Variants in LRRIQ1 observed in about 807,000 individuals in gnomAD.
LRRIQ1 encodes leucine rich repeats and IQ motif containing 1.
LRRIQ1 carries 210 observed loss-of-function variants against 211.9 expected under a neutral mutation model. The observed-to-expected ratio is 0.99, with a 90% CI of 0.89 to 1.11. The LOEUF (loss-of-function observed/expected upper bound fraction) is 1.11, where lower values mean the gene tolerates loss of function less well. LRRIQ1 is among the 50% of genes most tolerant of loss of function. The pLI is 0.00. For synonymous variants in LRRIQ1, 699 were observed against 650.1 expected, an observed-to-expected ratio of 1.08 and a Z score of -1.14; for missense variants, 2,136 against 1,939.5, an observed-to-expected ratio of 1.10 and a Z score of -1.90.
At chr12:85,271,301 A>C in the LRRIQ1 span, among the ~76,000 whole-genome samples, 4 of 152,114 alleles carry the variant, frequency 2.6e-5, no homozygotes, top group South Asian at 8.3e-4. Context: ...CAGCCACTTT[A>C]GTTATAGGGA....
chr12:85,253,538 A>G (rs1423526414), intron 1 of LRRIQ1, among the ~76,000 whole-genome samples: 1 of 152,092 alleles, frequency 6.6e-6, no homozygotes, highest in Non-Finnish European at 1.5e-5. Context: ...GCCAGCCAGA[A>G]CCACAACATT....
chr12:85,137,397 G>C (rs1592863450), intron 18 of LRRIQ1, among the ~76,000 whole-genome samples: 1 of 151,522 alleles, frequency 6.6e-6, no homozygotes, highest in African/African-American at 2.4e-5. Context: ...ATTTAAAAAT[G>C]AAATTAATTC....
At chr12:85,250,910 A>AATATATTTTATATATTATATATT (rs1202063203) in intron 1 of LRRIQ1, among the ~76,000 whole-genome samples, 5 of 78,256 alleles carry the variant, frequency 6.4e-5, no homozygotes, top group African/African-American at 2.8e-4. Flanking sequence ...TATTATATAT[A>AATATATTTTATATATTATATATT]ATATATTTTA....
intron 11 of LRRIQ1, among the ~76,000 whole-genome samples, chr12:85,094,475 T>G (rs1885686403): frequency 6.6e-6 from 1 of 152,146 alleles, no homozygotes; most frequent in South Asian, 2.1e-4. Context: ...CATTGGTCTA[T>G]TTGTTTTTGT....
intron 26 of LRRIQ1, among the ~76,000 whole-genome samples, chr12:85,243,139 T>C (rs1343568605): frequency 6.6e-6 from 1 of 150,792 alleles, no homozygotes; most frequent in Non-Finnish European, 1.5e-5. Flanking sequence ...TTTTTTCTTG[T>C]TACCTAAGTA....
At chr12:85,251,909 C>T in intron 1 of LRRIQ1, among the ~76,000 whole-genome samples, 1 of 151,738 alleles carries the variant, frequency 6.6e-6, no homozygotes, top group South Asian at 2.1e-4. Flanking sequence ...ACTATCGTTT[C>T]TGATATTTTT....
At chr12:85,217,370 A>T (rs1170286475) in intron 24 of LRRIQ1, among the ~76,000 whole-genome samples, 2 of 149,304 alleles carry the variant, frequency 1.3e-5, no homozygotes, top group Non-Finnish European at 3.0e-5. Context: ...AAAACCACCT[A>T]CTTGTCCCTC....
intron 1 of LRRIQ1, among the ~76,000 whole-genome samples, chr12:85,250,203 G>C (rs1895863434): frequency 6.6e-6 from 1 of 151,842 alleles, no homozygotes; most frequent in South Asian, 2.1e-4. Flanking sequence ...TTGCTCCGTA[G>C]TAAGAGGAAG....
intron 13 of LRRIQ1, among the ~76,000 whole-genome samples, 171 bp downstream of exon 13, chr12:85,099,165 A>G (rs1886149609): frequency 6.6e-6 from 1 of 151,870 alleles, no homozygotes. Flanking sequence ...AAAAATTAAG[A>G]TGAATTATTG....
intron 23 of LRRIQ1, 25 bp from the exon 24 acceptor site, chr12:85,160,588 C>T (rs1417866327): frequency 4.9e-6 from 7 of 1,415,262 alleles, no homozygotes; most frequent in Non-Finnish European, 5.0e-6. Flanking sequence ...ATGAACTCTG[C>T]TCCTTTCTTA....
chr12:85,202,459 G>A (rs746442933), intron 24 of LRRIQ1, among the ~76,000 whole-genome samples: 27 of 152,106 alleles, frequency 1.8e-4, no homozygotes, highest in Non-Finnish European at 3.1e-4. Flanking sequence ...ATGAATATGG[G>A]TTATCCTATG....
At chr12:85,199,397 T>C (rs966057746) in intron 24 of LRRIQ1, among the ~76,000 whole-genome samples, 2 of 151,744 alleles carry the variant, frequency 1.3e-5, no homozygotes, top group African/African-American at 2.4e-5. Flanking sequence ...TTTGTTGACT[T>C]TGTAGAGGTC....
At chr12:85,175,036 G>A (rs1046421578) in intron 24 of LRRIQ1, among the ~76,000 whole-genome samples, 5 of 152,020 alleles carry the variant, frequency 3.3e-5, no homozygotes, top group Admixed American at 2.0e-4. Context: ...CAATAGAACA[G>A]TATTTTCAAC....
chr12:85,214,979 G>A (rs1000675520), intron 24 of LRRIQ1, among the ~76,000 whole-genome samples: 1 of 152,056 alleles, frequency 6.6e-6, no homozygotes, highest in Non-Finnish European at 1.5e-5. Context: ...TTCTGAGGAA[G>A]CATTAAAATA....
At chr12:85,090,915 A>T (rs997655421) in intron 11 of LRRIQ1, among the ~76,000 whole-genome samples, 1 of 152,150 alleles carries the variant, frequency 6.6e-6, no homozygotes, top group Non-Finnish European at 1.5e-5. Context: ...TTCCTGCCCG[A>T]GTCTCATGTT....
intron 11 of LRRIQ1, among the ~76,000 whole-genome samples, chr12:85,084,204 T>G (rs1209191394): frequency 1.3e-5 from 2 of 152,100 alleles, no homozygotes; most frequent in African/African-American, 4.8e-5. Context: ...CATACAACTA[T>G]TAAAATAAAA....
chr12:85,150,719 G>T (rs374942735), intron 19 of LRRIQ1, among the ~76,000 whole-genome samples: 1 of 151,570 alleles, frequency 6.6e-6, no homozygotes, highest in Non-Finnish European at 1.5e-5. Context: ...TGAGAAGGAG[G>T]AATACTCATG....
chr12:85,062,688 A>G (rs942706026), intron 8 of LRRIQ1, among the ~76,000 whole-genome samples: 1 of 151,396 alleles, frequency 6.6e-6, no homozygotes, highest in Non-Finnish European at 1.5e-5. Flanking sequence ...TTTTGGTAGA[A>G]TGGTTTATTT....
intron 11 of LRRIQ1, among the ~76,000 whole-genome samples, chr12:85,087,216 G>C (rs1458812084): frequency 2.0e-5 from 3 of 151,996 alleles, no homozygotes; most frequent in Non-Finnish European, 2.9e-5. Flanking sequence ...CCTTGCAATA[G>C]TTTGCTCAGA....
Sources: gnomAD v4.1 joint callset for allele counts (sites outside exome capture counted in the v4.1 genomes callset) on GRCh38, gnomAD v4.1.1 for gene constraint, MANE v1.5 for transcripts, NCBI Gene and HGNC (gene_info 2026-07-23, HGNC 2026-07-21) for gene names.